Variants in BPTF observed in about 807,000 individuals in gnomAD.
BPTF encodes the protein bromodomain PHD finger transcription factor, also known as nucleosome-remodeling factor subunit BPTF.
Under a neutral mutation model 292.5 loss-of-function variants are expected in BPTF, and 18 were observed. The observed-to-expected ratio is 0.06, with a 90% CI of 0.04 to 0.09. The LOEUF is 0.09. Ranked by LOEUF, BPTF falls within the 10% of genes least tolerant of loss-of-function variation. The pLI, the probability that BPTF is intolerant of heterozygous loss-of-function variation, is 1.00. For missense variants in BPTF, 2,726 were observed against 3,498.7 expected (o/e 0.78, Z 5.57); for synonymous variants, 1,225 against 1,251.9 (o/e 0.98, Z 0.45).
chr17:67,851,695 G>C (rs1384712341), intron 1 of BPTF, among the ~76,000 whole-genome samples: 4 of 151,942 alleles, frequency 2.6e-5, no homozygotes, highest in Non-Finnish European at 5.9e-5. Flanking sequence ...AGGCTGTTCA[G>C]TTATAAGCAG....
At position 67,909,715 on chromosome 17, in the gene BPTF, C is replaced by A. The variant is rs1360287976; in HGVS notation, c.2946C>A (p.Asp982Glu). The change falls in exon 10 of 28, where the codon GAC becomes GAA. Residue 982 changes from aspartate to glutamate, a missense_variant. Around this residue, in one of 22 missense-constraint regions of BPTF, gnomAD observed 713 missense variants for 714.9 expected, o/e 1.00. Coordinates refer to ENST00000306378, the MANE Select transcript of BPTF (RefSeq NM_182641.4). Reference sequence around the variant, plus strand: ...GTTCAGATGCTGCAAAAGGAGCAGACCAAAATGAAATGGATATCTCAAAGA... The same window carrying A: ...GTTCAGATGCTGCAAAAGGAGCAGAACAAAATGAAATGGATATCTCAAAGA... ...VKGSDAAKGA[D>E]QNEMDISKIT... 1 of 1,588,002 alleles carries A rather than the reference C, an allele frequency of 6.3e-7. No homozygotes were observed. Among genetic ancestry groups the A allele is most frequent in the South Asian group, 1.2e-5 (1 of 84,012 alleles).
In BPTF at chr17:67,911,362, C is replaced by T. The variant is rs139387934; in HGVS notation, c.3478C>T (p.Leu1160Phe). The stretch of plus-strand genomic sequence containing the variant: ...TGATCCTAGTCATACCACAAACAAA[C>T]TTTATCCAAAAGATCGAGTGTTAGA... ...MSDPSHTTNKLYPKDRVLDDV... is the reference protein window; with the variant it reads ...MSDPSHTTNKFYPKDRVLDDV... The change falls in exon 11 of 28, where the codon CTT becomes TTT. Residue 1160 changes from leucine to phenylalanine, a missense_variant. Physicochemically the swap from Leu to Phe is conservative, Grantham distance 22. Transcript: ENST00000306378. The T allele has an allele frequency of 5.8e-5, 94 of 1,613,962 alleles. No individual in the cohort carries two copies. In the African/African-American group the frequency reaches 1.1e-3, roughly 19 times the overall value.
chr17:67,891,850 A>C lies in BPTF; in HGVS notation c.1871A>C (p.Asp624Ala). Residue 624 changes from aspartate (D) to alanine (A), a missense_variant, in exon 5 of 28, where the codon GAT (aspartate) becomes GCT (alanine). Transcript: ENST00000306378. ...TGGCCTATTCATTTGACAGTAGGTGATTTCAAATCGGAGAAGTCCAACGGG... is the reference window on the plus strand; with the variant it reads ...TGGCCTATTCATTTGACAGTAGGTGCTTTCAAATCGGAGAAGTCCAACGGG... ...DPEQGKSEVG[D>A]FKSEKSNGEL... The C allele has an allele frequency of 6.3e-7, 1 of 1,587,724 alleles. No individual in the cohort carries two copies. Among genetic ancestry groups the C allele is most frequent in the East Asian group, 2.3e-5 (1 of 43,822 alleles).
At chr17:67,831,373 TAAAC>T (rs1248355045) in intron 1 of BPTF, among the ~76,000 whole-genome samples, 3 of 152,136 alleles carry the variant, frequency 2.0e-5, no homozygotes, top group African/African-American at 7.2e-5. Context: ...ACATGAGAAT[TAAAC>T]AAAATGAGAG....
At chr17:67,849,783 CA>C (rs886571527) in intron 1 of BPTF, among the ~76,000 whole-genome samples, 1 of 151,508 alleles carries the variant, frequency 6.6e-6, no homozygotes, top group Non-Finnish European at 1.5e-5. Context: ...ACTAAAAATA[CA>C]AAAAAAATTA....
chr17:67,853,486 A>G (rs1386669882), intron 1 of BPTF, among the ~76,000 whole-genome samples: 1 of 152,164 alleles, frequency 6.6e-6, no homozygotes, highest in African/African-American at 2.4e-5. Context: ...GCATTTCTGT[A>G]TTGCAGCTGA....
At position 67,912,518 on chromosome 17, in the gene BPTF, C is replaced by T. The variant is rs1285139512; in HGVS notation, c.4634C>T (p.Thr1545Ile). 1 of 1,614,010 alleles carries T rather than the reference C, an allele frequency of 6.2e-7. No homozygotes were observed. The highest frequency in any genetic ancestry group is 2.2e-5 in the East Asian group (1 of 44,884). ...GAAACCTCAGAAGTTAAGAAAGTTA[C>T]TTCATCACCTATTACTTCTGAAGAG... is the stretch of plus-strand genomic sequence containing the variant. ...EIETSEVKKV[T>I]SSPITSEEES... is the part of the protein sequence containing the mutation. The change falls in exon 11 of 28, where the codon ACT becomes ATT. Residue 1545 changes from threonine (T) to isoleucine (I), a missense_variant. This residue lies in a region of BPTF where 713 missense variants were observed against 714.9 expected (regional missense o/e 1.00). Transcript: ENST00000306378.
chr17:67,957,307 A>G (rs1286934470), intron 23 of BPTF: 1 of 152,268 alleles, frequency 6.6e-6, no homozygotes, highest in African/African-American at 2.4e-5. Flanking sequence ...AATAAAAAAA[A>G]TAAAGGAAAC....
intron 23 of BPTF, chr17:67,955,495 G>T (rs2066842596): frequency 6.6e-6 from 1 of 151,818 alleles, no homozygotes; most frequent in Non-Finnish European, 1.5e-5. Context: ...GCTTTTCATA[G>T]ACATCTACAT....
At chr17:67,832,255 T>A (rs2080090) in intron 1 of BPTF, among the ~76,000 whole-genome samples, 30,296 of 146,340 alleles carry the variant, frequency 0.21, 3,795 homozygotes, top group East Asian at 0.67. Flanking sequence ...TTTCTTAATT[T>A]AAAAAAAAAA....
At chr17:67,939,312 A>G (rs2065176404) in intron 18 of BPTF, among the ~76,000 whole-genome samples, 1 of 152,194 alleles carries the variant, frequency 6.6e-6, no homozygotes, top group South Asian at 2.1e-4. Flanking sequence ...AAACACAAAG[A>G]TATATATGTG....
chr17:67,905,421 T>A (rs1405449666), intron 9 of BPTF, among the ~76,000 whole-genome samples: 1 of 149,772 alleles, frequency 6.7e-6, no homozygotes, highest in Non-Finnish European at 1.5e-5. Context: ...AAAAAAAAAA[T>A]TCAGGCCAGC....
At chr17:67,898,379 G>GA (rs1346612344) in intron 7 of BPTF, among the ~76,000 whole-genome samples, 1 of 152,164 alleles carries the variant, frequency 6.6e-6, no homozygotes, top group Non-Finnish European at 1.5e-5. Context: ...AAAAGTTGAA[G>GA]AAAGGAAACC....
intron 4 of BPTF, among the ~76,000 whole-genome samples, chr17:67,881,691 A>T (rs1303673247): frequency 1.3e-5 from 2 of 151,230 alleles, no homozygotes; most frequent in Non-Finnish European, 2.9e-5. Flanking sequence ...TATAGTAGAG[A>T]TGGGGTTTCA....
chr17:67,907,136 GA>G (rs2062259364), intron 9 of BPTF, among the ~76,000 whole-genome samples: 1 of 146,572 alleles, frequency 6.8e-6, no homozygotes, highest in Non-Finnish European at 1.5e-5. Flanking sequence ...AGTGAGCTGA[GA>G]TGAACCCACT....
At position 67,886,086 on chromosome 17, in the gene BPTF, A is replaced by G. The variant is rs761527186; in HGVS notation, c.1865-5758A>G. ...CTTTTCTGACAATTCGTCATTTTTC[A>G]TGTGATTTCCAATTTAAAAATCAGA... On this transcript the variant is annotated intron_variant, in intron 4 of 27. Transcript: ENST00000306378. 6 of 1,371,482 alleles carry G rather than the reference A, an allele frequency of 4.4e-6. No homozygotes were observed. The South Asian group carries it at 5.7e-5, about 13-fold the overall frequency. 85.0% of individuals were successfully genotyped at this position (1,371,482 alleles called of 1,614,324 possible). A position where few individuals can be genotyped will look rare whatever the true frequency, so the allele number is the denominator to read the frequency against.
At chr17:67,973,098 G>A (rs2068974898) in intron 26 of BPTF, among the ~76,000 whole-genome samples, 1 of 146,136 alleles carries the variant, frequency 6.8e-6, no homozygotes, top group African/African-American at 2.5e-5. Context: ...TATAAGGCCA[G>A]GCACGGTGGC....
intron 9 of BPTF, among the ~76,000 whole-genome samples, chr17:67,907,073 TACTC>T (rs1330619178): frequency 1.3e-5 from 2 of 151,466 alleles, no homozygotes; most frequent in African/African-American, 4.9e-5. Context: ...TATTCCCAGT[TACTC>T]AGGAGGCTGA....
At chr17:67,843,286 A>C (rs1041271506) in intron 1 of BPTF, among the ~76,000 whole-genome samples, 1 of 150,468 alleles carries the variant, frequency 6.6e-6, no homozygotes, top group Admixed American at 6.7e-5. Context: ...AGATATGTAG[A>C]CATAGATACA....
Sources: gnomAD v4.1 joint callset for allele counts (sites outside exome capture counted in the v4.1 genomes callset) on GRCh38, gnomAD v4.1.1 for gene constraint, gnomAD v4.1.1 regional missense constraint, MANE v1.5 for transcripts, NCBI Gene and HGNC (gene_info 2026-07-23, HGNC 2026-07-21) for gene names.